Variants in NKAIN3 observed in about 807,000 individuals in gnomAD.
NKAIN3 encodes sodium/potassium-transporting ATPase subunit beta-1-interacting protein 3.
Under a neutral mutation model 30.2 loss-of-function variants are expected in NKAIN3, and 25 were observed. The ratio of observed to expected loss-of-function variants is 0.83; its 90% CI spans 0.60 to 1.16. NKAIN3 has a LOEUF of 1.16. Among genes scored for constraint, NKAIN3 ranks in the 50% most tolerant of loss-of-function variants. The pLI is 0.00. For missense variants in NKAIN3, 225 were observed against 254.1 expected (o/e 0.89, Z 0.78); for synonymous variants, 91 against 89.6 (o/e 1.02, Z -0.09).
rs1057396350 is a variant in NKAIN3, at chr8:62,778,812, G to A, written c.471+31683G>A. Among the ~76,000 whole-genome samples the A allele has an allele frequency of 2.6e-5, 4 of 152,016 alleles. No homozygotes were observed. The East Asian group carries it at 5.8e-4, about 22-fold the overall frequency. On this transcript the variant is annotated intron_variant, in intron 4 of 6. Coordinates refer to ENST00000623646, the MANE Select transcript of NKAIN3 (RefSeq NM_001304533.3). ...TCATAGCTACCATAGCTGGGAATGT[G>A]CTGGGTCACACCTGAAGCCAGAATA...
intron 3 of NKAIN3, among the ~76,000 whole-genome samples, chr8:62,744,755 T>G (rs937594526): frequency 2.6e-5 from 4 of 152,180 alleles, no homozygotes; most frequent in Non-Finnish European, 5.9e-5. Context: ...ATTATTTCTC[T>G]ATAATATTTT....
At chr8:62,813,155 T>C (rs1245155745) in intron 4 of NKAIN3, among the ~76,000 whole-genome samples, 3 of 152,016 alleles carry the variant, frequency 2.0e-5, no homozygotes, top group Admixed American at 1.3e-4. Context: ...CAGTTGGATG[T>C]AAATACAAGG....
chr8:62,400,892 A>G (rs1803840000), intron 1 of NKAIN3, among the ~76,000 whole-genome samples: 1 of 152,120 alleles, frequency 6.6e-6, no homozygotes, highest in Admixed American at 6.5e-5. Flanking sequence ...ATGTCTTCAG[A>G]TAGACTTACT....
At chr8:62,618,217 C>A (rs1258264805) in intron 3 of NKAIN3, among the ~76,000 whole-genome samples, 1 of 152,126 alleles carries the variant, frequency 6.6e-6, no homozygotes, top group Non-Finnish European at 1.5e-5. Context: ...TTGAGGAAAT[C>A]CTATTTCTGA....
In NKAIN3 at chr8:62,845,935, AC is replaced by A. The variant is rs756735727; in HGVS notation, c.472-72516del. 2.4e-4 allele frequency among the ~76,000 whole-genome samples: 37 copies of A among 152,248 alleles called. No homozygotes were observed. In the Middle Eastern group the frequency reaches 0.02, roughly 84 times the overall value. On this transcript the variant is annotated intron_variant, in intron 4 of 6. Transcript: ENST00000623646. ...CTATTGATTTACTTAATAAAAACAA[AC>A]CTGCTTTGTGATTCTAGCTACACAG... is the stretch of plus-strand genomic sequence containing the variant.
intron 4 of NKAIN3, among the ~76,000 whole-genome samples, chr8:62,850,609 A>G (rs533156819): frequency 6.6e-6 from 1 of 152,154 alleles, no homozygotes; most frequent in Non-Finnish European, 1.5e-5. Context: ...TAAGTCTATA[A>G]TCCATCTTGA....
intron 4 of NKAIN3, among the ~76,000 whole-genome samples, chr8:62,867,364 T>C: frequency 6.6e-6 from 1 of 152,194 alleles, no homozygotes; most frequent in Non-Finnish European, 1.5e-5. Flanking sequence ...AATGAGATCA[T>C]GTATAAAGCC....
chr8:62,626,586 G>A (rs764201352), intron 3 of NKAIN3, among the ~76,000 whole-genome samples: 4 of 152,032 alleles, frequency 2.6e-5, no homozygotes, highest in Admixed American at 6.6e-5. Context: ...GGGGCTTTGG[G>A]GACAGACTCC....
At chr8:62,658,740 C>T (rs1296909987) in intron 3 of NKAIN3, among the ~76,000 whole-genome samples, 1 of 152,164 alleles carries the variant, frequency 6.6e-6, no homozygotes, top group Non-Finnish European at 1.5e-5. Flanking sequence ...CCCTCTGCAG[C>T]AATTGGCTGG....
chr8:62,893,825 A>G (rs1426223492), intron 4 of NKAIN3, among the ~76,000 whole-genome samples: 1 of 152,248 alleles, frequency 6.6e-6, no homozygotes, highest in Non-Finnish European at 1.5e-5. Flanking sequence ...TCACAGTAGA[A>G]TGTTTTCCTG....
At chr8:62,351,428 G>T (rs1816174621) in intron 1 of NKAIN3, among the ~76,000 whole-genome samples, 1 of 149,608 alleles carries the variant, frequency 6.7e-6, no homozygotes, top group South Asian at 2.1e-4. Flanking sequence ...GAATATTTTT[G>T]ATCTTCATTT....
chr8:62,826,282 GTT>G lies in NKAIN3; in HGVS notation c.471+79155_471+79156del, dbSNP rs538663744. 9.9e-3 allele frequency among the ~76,000 whole-genome samples: 1,514 copies of G among 152,196 alleles called. 24 individuals carry two copies. The highest frequency in any genetic ancestry group is 0.035 in the African/African-American group (1,458 of 41,514). The stretch of plus-strand genomic sequence containing the variant: ...AGAGTAACAAGTGGTGTGTGTGAGT[GTT>G]TGTGTGTGTGTGTATTCTTAAAAAT... On this transcript the variant is annotated intron_variant, in intron 4 of 6. Transcript: ENST00000623646.
intron 4 of NKAIN3, among the ~76,000 whole-genome samples, chr8:62,824,208 AT>A (rs1818945831): frequency 6.6e-6 from 1 of 152,120 alleles, no homozygotes; most frequent in Non-Finnish European, 1.5e-5. Flanking sequence ...GCTGAGAGTA[AT>A]TCCGTGAAAG....
At chr8:62,962,912 A>G (rs1009548747) in intron 6 of NKAIN3, among the ~76,000 whole-genome samples, 5 of 151,018 alleles carry the variant, frequency 3.3e-5, no homozygotes, top group African/African-American at 1.2e-4. Context: ...TTTTTTTGAG[A>G]TGGAGTTTCG....
At chr8:62,798,880 A>T (rs1018052130) in intron 4 of NKAIN3, among the ~76,000 whole-genome samples, 13 of 152,186 alleles carry the variant, frequency 8.5e-5, no homozygotes, top group Non-Finnish European at 1.5e-5. Flanking sequence ...TTGCTACCAG[A>T]GGCAGTGTCC....
chr8:62,718,041 T>G (rs777979955), intron 3 of NKAIN3, among the ~76,000 whole-genome samples: 11 of 152,152 alleles, frequency 7.2e-5, no homozygotes, highest in Non-Finnish European at 1.3e-4. Context: ...TCTTACATGG[T>G]GGTGGCAAGA....
chr8:62,553,055 A>G (rs546393610), intron 1 of NKAIN3, among the ~76,000 whole-genome samples: 1 of 152,186 alleles, frequency 6.6e-6, no homozygotes, highest in Non-Finnish European at 1.5e-5. Context: ...AATTTGGGGA[A>G]GAATGACATT....
At chr8:62,691,008 G>T (rs1813949244) in intron 3 of NKAIN3, among the ~76,000 whole-genome samples, 1 of 152,122 alleles carries the variant, frequency 6.6e-6, no homozygotes, top group South Asian at 2.1e-4. Flanking sequence ...TATAATGCAG[G>T]TTCGTATCAG....
At chr8:62,272,575 G>A (rs1205842557) in intron 1 of NKAIN3, among the ~76,000 whole-genome samples, 1 of 152,156 alleles carries the variant, frequency 6.6e-6, no homozygotes, top group Non-Finnish European at 1.5e-5. Context: ...ATTGCAAATT[G>A]TACTCAGTAC....
Sources: gnomAD v4.1 joint callset for allele counts (sites outside exome capture counted in the v4.1 genomes callset) on GRCh38, gnomAD v4.1.1 for gene constraint, MANE v1.5 for transcripts, NCBI Gene and HGNC (gene_info 2026-07-23, HGNC 2026-07-21) for gene names.